Variants in MRS2 observed in about 807,000 individuals in gnomAD.
MRS2 encodes the protein magnesium transporter MRS2.
In MRS2, 40 loss-of-function variants were observed where a neutral mutation model predicts 52.6. The ratio of observed to expected loss-of-function variants is 0.76; its 90% CI spans 0.59 to 0.99. The LOEUF (loss-of-function observed/expected upper bound fraction) is 0.99, where lower values mean the gene tolerates loss of function less well. Ranked by LOEUF, MRS2 falls within the 50% of genes least tolerant of loss-of-function variation. The probability of loss-of-function intolerance (pLI) is 0.00; values close to 1 mark genes in which losing one functional copy is unlikely to be tolerated. For missense variants in MRS2, 472 were observed against 532.7 expected, an observed-to-expected ratio of 0.89 and a Z score of 1.12; for synonymous variants, 193 against 195.9, an observed-to-expected ratio of 0.98 and a Z score of 0.13.
At position 24,403,221 on chromosome 6, in the gene MRS2, C is replaced by T. The variant is rs777000900; in HGVS notation, c.175C>T (p.Arg59Trp). ...AGCGGCGCAGCTTTGCGGGCCCGAC[C>T]GGCTCCGCGTGGCAGGTACTGCCCT... ...SRAAQLCGPD[R>W]LRVAGEVHRF... Residue 59 changes from arginine to tryptophan, a missense_variant, in exon 1 of 11, where the codon CGG (arginine) becomes TGG (tryptophan). Transcript: ENST00000378386. The T allele has an allele frequency of 3.8e-6, 6 of 1,597,452 alleles. No homozygotes were observed. The highest frequency in any genetic ancestry group is 1.8e-4 in the Middle Eastern group (1 of 5,478).
At chr6:24,407,657 TTTA>T (rs1424700992) in intron 2 of MRS2, among the ~76,000 whole-genome samples, 1 of 152,194 alleles carries the variant, frequency 6.6e-6, no homozygotes, top group East Asian at 1.9e-4. Flanking sequence ...TCTGTAAATC[TTTA>T]TTGATTCTGC....
chr6:24,411,598 G>C (rs927086953), intron 4 of MRS2, among the ~76,000 whole-genome samples: 1 of 152,174 alleles, frequency 6.6e-6, no homozygotes, highest in African/African-American at 2.4e-5. Flanking sequence ...GAGTGCAGTG[G>C]CACAATCTCA....
intron 3 of MRS2, among the ~76,000 whole-genome samples, chr6:24,409,052 CAA>C (rs1287188083): frequency 3.3e-5 from 5 of 152,068 alleles, no homozygotes; most frequent in Non-Finnish European, 7.4e-5. Context: ...AGTCTAAGAA[CAA>C]AGAAAATCAA....
At chr6:24,404,511 G>A (rs1400925208) in intron 1 of MRS2, among the ~76,000 whole-genome samples, 1 of 152,094 alleles carries the variant, frequency 6.6e-6, no homozygotes, top group Admixed American at 6.5e-5. Flanking sequence ...AATTACTTTG[G>A]AAGCACAAAA....
At position 24,424,658 on chromosome 6, in the gene MRS2, A is replaced by G. The variant is rs2127300540; in HGVS notation, c.*964A>G. 6.6e-6 allele frequency: 1 copy of G among 152,330 alleles called. No individual in the cohort carries two copies. Among genetic ancestry groups the G allele is most frequent in the African/African-American group, 2.4e-5 (1 of 41,574 alleles). 9.4% of individuals were successfully genotyped at this position (152,330 alleles called of 1,614,324 possible). A position where few individuals can be genotyped will look rare whatever the true frequency, so the allele number is the denominator to read the frequency against. ...TTTAACATCCTACCTACCTTTTAAAATATTTTCTGGAGGTTAAGTACAGTT... is the reference window on the plus strand; with the variant it reads ...TTTAACATCCTACCTACCTTTTAAAGTATTTTCTGGAGGTTAAGTACAGTT... On this transcript the variant is annotated 3_prime_UTR_variant, in exon 11 of 11. Coordinates refer to ENST00000378386, the MANE Select transcript of MRS2 (RefSeq NM_020662.4).
intron 9 of MRS2, 175 bp downstream of exon 9, chr6:24,418,753 G>A: frequency 2.1e-6 from 1 of 465,618 alleles, no homozygotes; most frequent in South Asian, 2.1e-5. Flanking sequence ...ACAAAAATTA[G>A]ACAGGCACGG....
chr6:24,417,020 GTTA>G (rs1436394122), intron 7 of MRS2, among the ~76,000 whole-genome samples: 1 of 152,092 alleles, frequency 6.6e-6, no homozygotes, highest in African/African-American at 2.4e-5. Flanking sequence ...CAAATATTTT[GTTA>G]TTGTCTTTCT....
rs762242753 is a variant in MRS2 at position 24,420,636 on chromosome 6, G to A, written c.1107+2058G>A. Among the ~76,000 whole-genome samples the A allele has an allele frequency of 6.1e-4, 93 of 152,160 alleles. 1 individual carries two copies. Among genetic ancestry groups the A allele is most frequent in the Non-Finnish European group, 1.2e-3 (81 of 68,028 alleles). ...TGCCTCAGAGAAAAATAAAGCCAGAGAAGCGGATAGAGAATGTTAGGCAGT... is the reference window on the plus strand; with the variant it reads ...TGCCTCAGAGAAAAATAAAGCCAGAAAAGCGGATAGAGAATGTTAGGCAGT... On this transcript the variant is annotated intron_variant, in intron 9 of 10. Coordinates refer to ENST00000378386, the MANE Select transcript of MRS2 (RefSeq NM_020662.4).
chr6:24,424,897 C>T lies in MRS2; in HGVS notation c.*1203C>T, dbSNP rs41271777. ...GTGATAGGAATAAAAATGTTACTCC[C>T]GTCGCTGATTTGGAAGAAAACCGAT... On this transcript the variant is annotated 3_prime_UTR_variant, in exon 11 of 11. Transcript: ENST00000378386. 18,359 of 152,100 alleles carry T rather than the reference C, an allele frequency of 0.12. 1,467 individuals carry two copies. Among genetic ancestry groups the T allele is most frequent in the East Asian group, 0.16 (814 of 5,174 alleles). 9.4% of individuals were successfully genotyped at this position (152,100 alleles called of 1,614,324 possible). A position where few individuals can be genotyped will look rare whatever the true frequency, so the allele number is the denominator to read the frequency against.
chr6:24,415,106 CCAAA>C lies in MRS2; in HGVS notation c.665_668del (p.Lys222IlefsTer4), dbSNP rs777440971. On this transcript the variant is annotated frameshift_variant, in exon 6 of 11. Transcript: ENST00000378386. LOFTEE classifies it high-confidence loss of function. ...GAGACCTTGGATGCTTTGGTGGACC[CCAAA>C]CATTCTTCTGTAGACAGAAGCAAAC... The C allele has an allele frequency of 1.2e-6, 2 of 1,611,198 alleles. No individual in the cohort carries two copies. The highest frequency in any genetic ancestry group is 1.6e-4 in the Middle Eastern group (1 of 6,070).
intron 2 of MRS2, among the ~76,000 whole-genome samples, chr6:24,407,603 G>A (rs946857914): frequency 1.3e-5 from 2 of 152,146 alleles, no homozygotes; most frequent in Non-Finnish European, 2.9e-5. Context: ...GGAAATAGGT[G>A]CATTTTCTGT....
chr6:24,423,360 G>A, intron 10 of MRS2: 1 of 485,770 alleles, frequency 2.1e-6, no homozygotes, highest in Non-Finnish European at 3.7e-6. Context: ...TATAAGGTTT[G>A]TCATAACCAA....
intron 5 of MRS2, among the ~76,000 whole-genome samples, chr6:24,414,136 GAA>G (rs1761758210): frequency 6.8e-6 from 1 of 147,572 alleles, no homozygotes; most frequent in Admixed American, 6.8e-5. Flanking sequence ...GTCTATAGGA[GAA>G]AGACTTTTTT....
At chr6:24,414,482 A>G (rs1428896278) in intron 5 of MRS2, among the ~76,000 whole-genome samples, 859 of 137,944 alleles carry the variant, frequency 6.2e-3, no homozygotes, top group South Asian at 0.013. Flanking sequence ...GTTATAGATT[A>G]ACAGCATCCC....
rs547999320 is a variant in MRS2, at chr6:24,420,582, TAAAC to T, written c.1107+2012_1107+2015del. ...ATATTGTAGTGGAGGAGAGAGTTCA[TAAAC>T]AAACAAAGTATGTTAAGTGCTAAGT... On this transcript the variant is annotated intron_variant, in intron 9 of 10. Coordinates refer to ENST00000378386, the MANE Select transcript of MRS2 (RefSeq NM_020662.4). Among the ~76,000 whole-genome samples the T allele has an allele frequency of 1.7e-3, 261 of 152,282 alleles. 2 individuals are homozygous for T. Among genetic ancestry groups the T allele is most frequent in the African/African-American group, 4.6e-3 (192 of 41,556 alleles).
intron 7 of MRS2, 124 bp from the exon 8 acceptor site, chr6:24,417,959 GA>G (rs1761908925): frequency 1.6e-6 from 1 of 636,432 alleles, no homozygotes. Flanking sequence ...AAAAAGACAA[GA>G]CAAGACAAAG....
At chr6:24,422,091 A>G (rs1264052200) in intron 9 of MRS2, among the ~76,000 whole-genome samples, 1 of 152,234 alleles carries the variant, frequency 6.6e-6, no homozygotes, top group African/African-American at 2.4e-5. Flanking sequence ...CGGAGGTTGC[A>G]GTGAGCCAAG....
At position 24,405,220 on chromosome 6, in the gene MRS2, T is replaced by C. The variant is rs369407517; in HGVS notation, c.243T>C (p.Ser81=). The C allele has an allele frequency of 1.1e-5, 18 of 1,613,598 alleles. No homozygotes were observed. The African/African-American group carries it at 1.5e-4, about 13-fold the overall frequency. Residue 81 remains serine (S), a synonymous_variant, in exon 2 of 11, where the codon AGT becomes AGC. Transcript: ENST00000378386. ...ACGTCTCTCAAGCCACTTTAGCCAG[T>C]GTAGCCCCAGTATTTACTGTGGTGA... ...TSDVSQATLA[S]VAPVFTVTKF...
chr6:24,415,296 C>A, intron 6 of MRS2, 133 bp downstream of exon 6: 2 of 799,624 alleles, frequency 2.5e-6, no homozygotes, highest in Middle Eastern at 2.5e-4. Flanking sequence ...AAGGGGCACA[C>A]AATCTACTGT....
Sources: allele counts gnomAD v4.1 joint callset (sites outside exome capture counted in the v4.1 genomes callset), GRCh38; gene constraint gnomAD v4.1.1; transcripts MANE v1.5; gene names NCBI Gene and HGNC (gene_info 2026-07-23, HGNC 2026-07-21).